PPM1H: variants seen among roughly 807,000 people sequenced by gnomAD.
PPM1H encodes protein phosphatase, Mg2+/Mn2+ dependent 1H.
PPM1H carries 27 observed loss-of-function variants against 54.9 expected under a neutral mutation model. The ratio of observed to expected loss-of-function variants is 0.49; its 90% confidence interval spans 0.36 to 0.68. The LOEUF (loss-of-function observed/expected upper bound fraction) is 0.68, where lower values mean the gene tolerates loss of function less well. PPM1H is among the 30% of genes least tolerant of loss of function. The pLI, the probability that PPM1H is intolerant of heterozygous loss-of-function variation, is 0.00. For synonymous variants in PPM1H, 305 were observed against 270.8 expected (o/e 1.13, Z -1.24); for missense variants, 596 against 667.8 (o/e 0.89, Z 1.19).
At chr12:62,920,805 A>G (rs888059373) in intron 1 of PPM1H, among the ~76,000 whole-genome samples, 1 of 152,150 alleles carries the variant, frequency 6.6e-6, no homozygotes, top group African/African-American at 2.4e-5. Context: ...TGCGTGTAAC[A>G]TAATTTGTCA....
chr12:62,793,172 CA>C (rs2076710323), intron 3 of PPM1H, among the ~76,000 whole-genome samples: 1 of 152,108 alleles, frequency 6.6e-6, no homozygotes, highest in Non-Finnish European at 1.5e-5. Flanking sequence ...CATATACTAT[CA>C]TTCAAGTATG....
chr12:62,826,829 C>T (rs1032289277), intron 2 of PPM1H, among the ~76,000 whole-genome samples: 2 of 152,194 alleles, frequency 1.3e-5, no homozygotes, highest in East Asian at 3.9e-4. Flanking sequence ...ACTCTGTTTG[C>T]AGATAAAACC....
chr12:62,666,417 G>A (rs1268611105), intron 9 of PPM1H, among the ~76,000 whole-genome samples: 1 of 152,064 alleles, frequency 6.6e-6, no homozygotes, highest in African/African-American at 2.4e-5. Context: ...AGGATATTTA[G>A]GTTATTTACA....
At chr12:62,899,733 A>T (rs1871101403) in intron 1 of PPM1H, among the ~76,000 whole-genome samples, 3 of 152,228 alleles carry the variant, frequency 2.0e-5, no homozygotes, top group Admixed American at 2.0e-4. Context: ...CTCAGTCCTC[A>T]CTAGGGTTTC....
chr12:62,742,020 G>A (rs1169813905), intron 4 of PPM1H, among the ~76,000 whole-genome samples: 8 of 152,030 alleles, frequency 5.3e-5, no homozygotes, highest in African/African-American at 9.7e-5. Context: ...AGTTGCCACC[G>A]AGAAGCTCCT....
chr12:62,848,996 G>A (rs964809311), intron 1 of PPM1H, among the ~76,000 whole-genome samples: 1 of 152,198 alleles, frequency 6.6e-6, no homozygotes, highest in African/African-American at 2.4e-5. Flanking sequence ...TGCAGGGGAA[G>A]GGAGTGGGAA....
At chr12:62,792,645 G>A (rs951901049) in intron 3 of PPM1H, among the ~76,000 whole-genome samples, 6 of 152,128 alleles carry the variant, frequency 3.9e-5, no homozygotes, top group South Asian at 2.1e-4. Context: ...ATTCACTGTC[G>A]TTAAAACACA....
intron 5 of PPM1H, among the ~76,000 whole-genome samples, chr12:62,733,248 AT>A (rs1412753494): frequency 6.6e-6 from 1 of 151,854 alleles, no homozygotes; most frequent in African/African-American, 2.4e-5. Flanking sequence ...AGTTGATACT[AT>A]TTTCTCCACC....
intron 4 of PPM1H, among the ~76,000 whole-genome samples, chr12:62,741,414 C>T (rs955172282): frequency 3.3e-5 from 5 of 152,170 alleles, no homozygotes; most frequent in Admixed American, 2.6e-4. Context: ...GTTAAAGCAC[C>T]GCTCTCATCA....
At chr12:62,801,100 G>A (rs537202010) in intron 3 of PPM1H, among the ~76,000 whole-genome samples, 2 of 152,322 alleles carry the variant, frequency 1.3e-5, no homozygotes, top group South Asian at 2.1e-4. Context: ...GCCGTTCTTA[G>A]ATCACATCTG....
At chr12:62,819,979 C>T (rs949597046) in intron 2 of PPM1H, among the ~76,000 whole-genome samples, 4 of 152,198 alleles carry the variant, frequency 2.6e-5, no homozygotes, top group Non-Finnish European at 5.9e-5. Flanking sequence ...GGCATTGCCT[C>T]ACCTGGGAAG....
At chr12:62,653,593 C>G (rs756265447) in intron 9 of PPM1H, among the ~76,000 whole-genome samples, 9 of 152,116 alleles carry the variant, frequency 5.9e-5, no homozygotes, top group Non-Finnish European at 1.2e-4. Flanking sequence ...AGGGAAGGCT[C>G]TATTGTATTT....
chr12:62,832,935 G>A (rs765355065), intron 1 of PPM1H, among the ~76,000 whole-genome samples: 9 of 151,978 alleles, frequency 5.9e-5, no homozygotes, highest in Non-Finnish European at 8.8e-5. Flanking sequence ...ATAATAATAA[G>A]GCATGTTGAC....
chr12:62,679,841 T>G (rs1357462337), intron 8 of PPM1H, among the ~76,000 whole-genome samples: 1 of 152,214 alleles, frequency 6.6e-6, no homozygotes. Context: ...GCCTTTACAC[T>G]GCAAAGTAGA....
chr12:62,816,968 C>A (rs1336278912), intron 2 of PPM1H, among the ~76,000 whole-genome samples: 1 of 151,340 alleles, frequency 6.6e-6, no homozygotes, highest in Non-Finnish European at 1.5e-5. Context: ...TCAGAGTAAT[C>A]CAACACCCAC....
At chr12:62,735,999 C>A (rs1195894085) in intron 5 of PPM1H, among the ~76,000 whole-genome samples, 2 of 152,000 alleles carry the variant, frequency 1.3e-5, no homozygotes, top group Non-Finnish European at 2.9e-5. Flanking sequence ...TGGGCAGGGG[C>A]CAGGATTCCA....
chr12:62,786,217 G>A lies in PPM1H; in HGVS notation c.869+2009C>T, dbSNP rs12316218. Among the ~76,000 whole-genome samples, 704 of 152,328 alleles carry A rather than the reference G, an allele frequency of 4.6e-3. 5 individuals are homozygous for A. The highest frequency in any genetic ancestry group is 0.016 in the African/African-American group (671 of 41,580). On this transcript the variant is annotated intron_variant, in intron 4 of 9. Coordinates refer to ENST00000228705, the MANE Select transcript of PPM1H (RefSeq NM_020700.2). ...CCTTTGCTGCTCTCCTCTGTCTACCGACCAGCTCAAGATCAGGAACTGAAC... is the reference window on the plus strand; with the variant it reads ...CCTTTGCTGCTCTCCTCTGTCTACCAACCAGCTCAAGATCAGGAACTGAAC...
intron 6 of PPM1H, among the ~76,000 whole-genome samples, chr12:62,704,722 C>T (rs902904086): frequency 1.3e-5 from 2 of 152,194 alleles, no homozygotes; most frequent in African/African-American, 4.8e-5. Context: ...CTACCACCTG[C>T]TCATCTCCTT....
In PPM1H at chr12:62,855,763, T is replaced by C. The variant is rs142536681; in HGVS notation, c.246-23484A>G. 3.6e-3 allele frequency among the ~76,000 whole-genome samples: 553 copies of C among 152,344 alleles called. 3 individuals carry two copies. Among genetic ancestry groups the C allele is most frequent in the Middle Eastern group, 0.02 (6 of 294 alleles). On this transcript the variant is annotated intron_variant, in intron 1 of 9. Coordinates refer to ENST00000228705, the MANE Select transcript of PPM1H (RefSeq NM_020700.2). Reference sequence around the variant, plus strand: ...AGTCCAATTTTCATGCTTCTTTGCATGTCTGGCAATTTTTAATTAGATTCC... The same window carrying C: ...AGTCCAATTTTCATGCTTCTTTGCACGTCTGGCAATTTTTAATTAGATTCC...
Sources: gnomAD v4.1 joint callset for allele counts (sites outside exome capture counted in the v4.1 genomes callset) on GRCh38, gnomAD v4.1.1 for gene constraint, MANE v1.5 for transcripts, NCBI Gene and HGNC (gene_info 2026-07-23, HGNC 2026-07-21) for gene names.